The following PDE3A variants were observed in gnomAD, a reference collection of about 807,000 sequenced individuals.
PDE3A encodes cGMP-inhibited 3',5'-cyclic phosphodiesterase 3A.
PDE3A carries 43 observed loss-of-function variants against 98.3 expected under a neutral mutation model. The observed-to-expected ratio is 0.44, with a 90% CI of 0.34 to 0.56. The LOEUF is 0.56. PDE3A is among the 20% of genes least tolerant of loss of function. The pLI, the probability that PDE3A is intolerant of heterozygous loss-of-function variation, is 0.01. For synonymous variants in PDE3A, 663 were observed against 567.9 expected, an observed-to-expected ratio of 1.17 and a Z score of -2.38; for missense variants, 1,427 against 1,440.7, an observed-to-expected ratio of 0.99 and a Z score of 0.15.
intron 1 of PDE3A, among the ~76,000 whole-genome samples, chr12:20,377,945 C>T (rs1045038212): frequency 6.6e-6 from 1 of 151,652 alleles, no homozygotes; most frequent in African/African-American, 2.4e-5. Context: ...TCTAATGTCT[C>T]TTTAGAAATG....
intron 1 of PDE3A, among the ~76,000 whole-genome samples, chr12:20,438,874 C>T (rs781683731): frequency 6.6e-6 from 1 of 152,008 alleles, no homozygotes; most frequent in Non-Finnish European, 1.5e-5. Context: ...ATTCTCCTGC[C>T]TCCACCTCCC....
chr12:20,683,841 C>T lies in PDE3A; in HGVS notation c.*3570C>T, dbSNP rs551352087. 31 of 152,164 alleles carry T rather than the reference C, an allele frequency of 2.0e-4. No individual in the cohort carries two copies. Among genetic ancestry groups the T allele is most frequent in the African/African-American group, 6.5e-4 (27 of 41,534 alleles). The allele number at this position is 152,164 out of a possible 1,614,324, so 9.4% of individuals were successfully genotyped here. A position where few individuals can be genotyped will look rare whatever the true frequency, so the allele number is the denominator to read the frequency against. ...GGTTGAATACCAGAACAAATCTTTC[C>T]GTTGCAATCCCAGTAAAACGAAAGA... On this transcript the variant is annotated 3_prime_UTR_variant, in exon 16 of 16. Transcript: ENST00000359062.
intron 5 of PDE3A, 97 bp from the exon 6 acceptor site, chr12:20,629,811 T>C: frequency 1.1e-6 from 1 of 910,200 alleles, no homozygotes; most frequent in Non-Finnish European, 1.8e-6. Context: ...GGCACGTGGT[T>C]GTTACTGAGT....
At chr12:20,524,504 G>T (rs1256941396) in intron 1 of PDE3A, among the ~76,000 whole-genome samples, 1 of 152,052 alleles carries the variant, frequency 6.6e-6, no homozygotes, top group Non-Finnish European at 1.5e-5. Context: ...CAGTCAAGAT[G>T]CTACTTAGGC....
intron 14 of PDE3A, among the ~76,000 whole-genome samples, chr12:20,652,908 A>C (rs1944955442): frequency 6.6e-6 from 1 of 152,200 alleles, no homozygotes; most frequent in Non-Finnish European, 1.5e-5. Context: ...GAATGGGAGA[A>C]AGTTTTGTGT....
chr12:20,669,676 C>T (rs2120408678), intron 15 of PDE3A, among the ~76,000 whole-genome samples: 1 of 151,966 alleles, frequency 6.6e-6, no homozygotes, highest in Non-Finnish European at 1.5e-5. Flanking sequence ...ACCAGGCCTG[C>T]CCTAAAAGAG....
At chr12:20,394,413 T>G (rs1425652882) in intron 1 of PDE3A, among the ~76,000 whole-genome samples, 1 of 152,052 alleles carries the variant, frequency 6.6e-6, no homozygotes, top group East Asian at 1.9e-4. Context: ...ATATAATACT[T>G]TTTCATGAGT....
intron 1 of PDE3A, among the ~76,000 whole-genome samples, chr12:20,539,971 A>G (rs1360217224): frequency 6.6e-6 from 1 of 152,168 alleles, no homozygotes; most frequent in Non-Finnish European, 1.5e-5. Flanking sequence ...AGAGCTGGTA[A>G]GAATGAAATT....
At chr12:20,411,694 G>A (rs188063781) in intron 1 of PDE3A, among the ~76,000 whole-genome samples, 2 of 152,156 alleles carry the variant, frequency 1.3e-5, no homozygotes, top group African/African-American at 4.8e-5. Flanking sequence ...TCTTCTGGTT[G>A]TTGACAATAG....
intron 1 of PDE3A, among the ~76,000 whole-genome samples, chr12:20,374,153 A>G (rs1404468114): frequency 6.6e-6 from 1 of 152,144 alleles, no homozygotes; most frequent in Non-Finnish European, 1.5e-5. Context: ...GAAAATACTG[A>G]AAAGGGAAAA....
At chr12:20,526,086 G>A (rs1048746896) in intron 1 of PDE3A, among the ~76,000 whole-genome samples, 6 of 152,152 alleles carry the variant, frequency 3.9e-5, no homozygotes, top group African/African-American at 1.4e-4. Flanking sequence ...AATGCCACCT[G>A]TGCTTCTGAA....
chr12:20,432,138 G>A (rs1944708190), intron 1 of PDE3A, among the ~76,000 whole-genome samples: 1 of 152,206 alleles, frequency 6.6e-6, no homozygotes, highest in Non-Finnish European at 1.5e-5. Context: ...ATTGCTTAAA[G>A]TCACACAGAA....
At chr12:20,503,278 A>G (rs1290122130) in intron 1 of PDE3A, among the ~76,000 whole-genome samples, 2 of 152,174 alleles carry the variant, frequency 1.3e-5, no homozygotes, top group East Asian at 1.9e-4. Context: ...TTTCTATACT[A>G]GTTTATAATA....
intron 1 of PDE3A, among the ~76,000 whole-genome samples, chr12:20,439,535 C>T (rs1944833052): frequency 6.6e-6 from 1 of 151,676 alleles, no homozygotes; most frequent in South Asian, 2.1e-4. Flanking sequence ...ACCTATTGCA[C>T]TTAAAAATAT....
At chr12:20,373,503 C>T (rs1322452908) in intron 1 of PDE3A, among the ~76,000 whole-genome samples, 1 of 152,010 alleles carries the variant, frequency 6.6e-6, no homozygotes, top group Non-Finnish European at 1.5e-5. Context: ...GAAGGGGTGT[C>T]TCTCCATTCT....
chr12:20,607,839 C>A (rs1565447290), intron 2 of PDE3A, among the ~76,000 whole-genome samples: 3 of 151,966 alleles, frequency 2.0e-5, no homozygotes, highest in African/African-American at 7.3e-5. Flanking sequence ...AGTTTTAAGA[C>A]TTTTCTTTAA....
intron 6 of PDE3A, among the ~76,000 whole-genome samples, chr12:20,630,587 T>C (rs1351934007): frequency 6.6e-6 from 1 of 152,200 alleles, no homozygotes; most frequent in East Asian, 1.9e-4. Context: ...TTGCACAGGA[T>C]GGCTGGACTC....
chr12:20,439,271 GACTC>G lies in PDE3A; in HGVS notation c.960+69033_960+69036del, dbSNP rs1291903086. 2.0e-5 allele frequency among the ~76,000 whole-genome samples: 3 copies of G among 152,288 alleles called. No individual in the cohort carries two copies. In the East Asian group the frequency reaches 5.8e-4, roughly 29 times the overall value. ...AAGGTTCACTTTTTGAAGAGAACAAGACTCACTCAGTTGGAAAGTTACTCTAAAT... is the reference window on the plus strand; with the variant it reads ...AAGGTTCACTTTTTGAAGAGAACAAGACTCAGTTGGAAAGTTACTCTAAAT... On this transcript the variant is annotated intron_variant, in intron 1 of 15. Transcript: ENST00000359062.
At position 20,686,248 on chromosome 12, in the gene PDE3A, G is replaced by C. The variant is rs1490278100; in HGVS notation, c.*5977G>C. ...ATAATTTAACTTTGTACAAATTATA[G>C]TCTGAGATCTTCTGAGTTTTCCTAA... is the stretch of plus-strand genomic sequence containing the variant. On this transcript the variant is annotated 3_prime_UTR_variant, in exon 16 of 16. Transcript: ENST00000359062. 2.0e-5 allele frequency among the ~76,000 whole-genome samples: 3 copies of C among 152,126 alleles called. No homozygotes were observed. The highest frequency in any genetic ancestry group is 7.2e-5 in the African/African-American group (3 of 41,446).
Sources: gnomAD v4.1 joint callset for allele counts (sites outside exome capture counted in the v4.1 genomes callset) on GRCh38, gnomAD v4.1.1 for gene constraint, MANE v1.5 for transcripts, NCBI Gene and HGNC (gene_info 2026-07-23, HGNC 2026-07-21) for gene names.